The following DPP6 variants were observed in gnomAD, a reference collection of about 807,000 sequenced individuals.
DPP6 encodes the protein dipeptidyl peptidase like 6.
In DPP6, 69 loss-of-function variants were observed where a neutral mutation model predicts 122.6. The observed-to-expected ratio is 0.56, with a 90% CI of 0.46 to 0.69. DPP6 has a LOEUF of 0.69. Among genes scored for constraint, DPP6 ranks in the 30% least tolerant of loss-of-function variants. The pLI is 0.00. For missense variants in DPP6, 928 were observed against 1,116.9 expected (o/e 0.83, Z 2.41); for synonymous variants, 418 against 433.1 (o/e 0.97, Z 0.43).
At chr7:154,842,788 G>A (rs78445594) in intron 16 of DPP6, among the ~76,000 whole-genome samples, 3,923 of 152,226 alleles carry the variant, frequency 0.026, 182 homozygotes, top group African/African-American at 0.088. Context: ...TTTTTATTGC[G>A]GTTATCTCTT....
intron 3 of DPP6, among the ~76,000 whole-genome samples, chr7:154,533,417 G>A (rs1409254885): frequency 2.6e-5 from 4 of 152,084 alleles, no homozygotes; most frequent in African/African-American, 4.8e-5. Context: ...GCTCTATTTC[G>A]GTTAAAGAAC....
intron 22 of DPP6, among the ~76,000 whole-genome samples, chr7:154,886,524 C>A (rs1395859990): frequency 6.6e-6 from 1 of 152,226 alleles, no homozygotes; most frequent in Non-Finnish European, 1.5e-5. Flanking sequence ...GACCTGAACC[C>A]ATTTCTTAGA....
chr7:153,831,354 A>G, the DPP6 span, among the ~76,000 whole-genome samples: 1 of 152,176 alleles, frequency 6.6e-6, no homozygotes, highest in Non-Finnish European at 1.5e-5. Context: ...TGTTGCCTGC[A>G]TGTGGCTGAG....
At chr7:154,063,810 A>T (rs1371922742) in intron 1 of DPP6, among the ~76,000 whole-genome samples, 1 of 151,512 alleles carries the variant, frequency 6.6e-6, no homozygotes, top group African/African-American at 2.4e-5. Flanking sequence ...GGTGTCCTAG[A>T]AGAAAGTTCA....
At chr7:153,988,874 G>A (rs1796982935) in intron 1 of DPP6, among the ~76,000 whole-genome samples, 1 of 150,440 alleles carries the variant, frequency 6.6e-6, no homozygotes, top group Admixed American at 6.7e-5. Context: ...AAGAGTCAGC[G>A]AAAGCTGGGA....
Position 154,243,472 on chromosome 7 carries a change from T to G in DPP6, c.243+190409T>G, listed in dbSNP as rs530758572. Among the ~76,000 whole-genome samples the G allele has an allele frequency of 1.4e-4, 22 of 152,150 alleles. No homozygotes were observed. In the South Asian group the frequency reaches 3.9e-3, roughly 27 times the overall value. On this transcript the variant is annotated intron_variant, in intron 1 of 25. Transcript: ENST00000377770. ...AAATAAAATTTTAGAACTGAAAATA[T>G]GTAGTAGATGGGTATAATAATAGTT...
the DPP6 span, among the ~76,000 whole-genome samples, chr7:153,845,485 T>C: frequency 1.3e-5 from 2 of 152,012 alleles, no homozygotes; most frequent in Non-Finnish European, 2.9e-5. Context: ...AATTTTTCTC[T>C]TATATTTTAG....
intron 1 of DPP6, among the ~76,000 whole-genome samples, chr7:154,212,553 G>A (rs1198491472): frequency 6.6e-6 from 1 of 152,146 alleles, no homozygotes; most frequent in Non-Finnish European, 1.5e-5. Flanking sequence ...ATGGACGTGT[G>A]ATGCCGTAGC....
intron 3 of DPP6, among the ~76,000 whole-genome samples, chr7:154,520,054 G>A (rs971956947): frequency 7.2e-5 from 11 of 152,092 alleles, no homozygotes; most frequent in African/African-American, 1.4e-4. Context: ...CTCAAAAAAC[G>A]CTGCAATGGG....
chr7:154,560,944 GA>G (rs1830385259), intron 4 of DPP6, among the ~76,000 whole-genome samples: 1 of 150,668 alleles, frequency 6.6e-6, no homozygotes, highest in Admixed American at 6.6e-5. Context: ...CCTAGTCAAT[GA>G]AAATCTTGAA....
intron 5 of DPP6, among the ~76,000 whole-genome samples, chr7:154,576,706 C>T (rs989279944): frequency 0.084 from 12,744 of 152,056 alleles, 1,360 homozygotes; most frequent in East Asian, 0.4. Flanking sequence ...GATGGATGCG[C>T]GGGAAATACC....
the DPP6 span, among the ~76,000 whole-genome samples, chr7:153,815,115 T>C: frequency 5.9e-5 from 9 of 152,076 alleles, no homozygotes; most frequent in East Asian, 3.9e-4. Flanking sequence ...CCAGGGCAAT[T>C]AGGCAGGAGA....
chr7:154,822,971 T>C (rs1799898362), intron 16 of DPP6, among the ~76,000 whole-genome samples: 1 of 152,212 alleles, frequency 6.6e-6, no homozygotes, highest in Admixed American at 6.5e-5. Flanking sequence ...TAAATTAGCA[T>C]TTTTAAATGG....
chr7:154,008,658 C>CTTTTTTTTT (rs57634994), intron 1 of DPP6, among the ~76,000 whole-genome samples: 2 of 101,512 alleles, frequency 2.0e-5, no homozygotes, highest in Non-Finnish European at 3.9e-5. Context: ...TATTTCTTTT[C>CTTTTTTTTT]TTTTTTTTTT....
the DPP6 span, among the ~76,000 whole-genome samples, chr7:153,850,340 G>A: frequency 1.3e-5 from 2 of 152,088 alleles, no homozygotes; most frequent in African/African-American, 2.4e-5. Flanking sequence ...ATTGGCTGGG[G>A]GGTCACCTTC....
chr7:154,074,106 T>TAG (rs374434372), intron 1 of DPP6, among the ~76,000 whole-genome samples: 16 of 139,624 alleles, frequency 1.1e-4, no homozygotes, highest in African/African-American at 4.5e-4. Context: ...TATATAGAGA[T>TAG]AGAGAGATAT....
chr7:154,016,518 T>G (rs1188901965), intron 1 of DPP6, among the ~76,000 whole-genome samples: 2 of 152,086 alleles, frequency 1.3e-5, no homozygotes, highest in Non-Finnish European at 2.9e-5. Context: ...ATCCCAGCAC[T>G]TTGTGAGGCT....
At chr7:154,156,559 A>G (rs986733402) in intron 1 of DPP6, among the ~76,000 whole-genome samples, 1 of 152,228 alleles carries the variant, frequency 6.6e-6, no homozygotes, top group Non-Finnish European at 1.5e-5. Context: ...CAGAAGAGAA[A>G]TTCAGGCAGC....
intron 1 of DPP6, among the ~76,000 whole-genome samples, chr7:154,366,480 C>G (rs762379058): frequency 3.3e-5 from 5 of 152,174 alleles, no homozygotes; most frequent in Non-Finnish European, 7.3e-5. Context: ...TTCTCAGCTT[C>G]CGCTGCACGG....
Sources: allele counts gnomAD v4.1 joint callset (sites outside exome capture counted in the v4.1 genomes callset), GRCh38; gene constraint gnomAD v4.1.1; transcripts MANE v1.5; gene names NCBI Gene and HGNC (gene_info 2026-07-23, HGNC 2026-07-21).